The following HLA-DPB1 variants were observed in gnomAD, a reference collection of about 807,000 sequenced individuals.
HLA-DPB1 encodes the protein HLA class II histocompatibility antigen, DP beta 1 chain.
Under a neutral mutation model 29.4 loss-of-function variants are expected in HLA-DPB1, and 30 were observed. The ratio of observed to expected loss-of-function variants is 1.02; its 90% CI spans 0.76 to 1.38. The LOEUF (loss-of-function observed/expected upper bound fraction) is 1.38, where lower values mean the gene tolerates loss of function less well. Ranked by LOEUF, HLA-DPB1 falls within the 40% of genes most tolerant of loss-of-function variation. HLA-DPB1 has a pLI of 0.00. For missense variants in HLA-DPB1, 261 were observed against 327.5 expected (o/e 0.80, Z 1.57); for synonymous variants, 114 against 134.0 (o/e 0.85, Z 1.03).
intron 2 of HLA-DPB1, 136 bp from the exon 3 acceptor site, chr6:33,084,814 T>TGAAA: frequency 8.3e-6 from 3 of 361,168 alleles, no homozygotes; most frequent in Non-Finnish European, 8.1e-6. Flanking sequence ...AAAGAAAGAA[T>TGAAA]GAAAGAAAGA....
At chr6:33,084,445 C>G (rs1029070129) in intron 2 of HLA-DPB1, among the ~76,000 whole-genome samples, 1 of 152,108 alleles carries the variant, frequency 6.6e-6, no homozygotes, top group African/African-American at 2.4e-5. Flanking sequence ...CACATTATTC[C>G]TATTTTCAAC....
At position 33,085,816 on chromosome 6, in the gene HLA-DPB1, G is replaced by C. The variant is rs137879953; in HGVS notation, c.684G>C (p.Thr228=). Residue 228 remains threonine (T), a synonymous_variant, in exon 4 of 6, where the codon ACG becomes ACC. Coordinates refer to ENST00000418931, the MANE Select transcript of HLA-DPB1 (RefSeq NM_002121.6). ...QSDSARSKTL[T]GAGGFVLGLI... ...ATTCTGCCCGGAGTAAGACATTGAC[G>C]GGAGCTGGGGGCTTCGTGCTGGGGC... is the stretch of plus-strand genomic sequence containing the variant. The C allele has an allele frequency of 1.9e-6, 3 of 1,614,082 alleles. No individual in the cohort carries two copies. The highest frequency in any genetic ancestry group is 2.7e-5 in the African/African-American group (2 of 75,038).
At position 33,084,891 on chromosome 6, in the gene HLA-DPB1, A is replaced by AGGAAGGAAGGAAGGAG. The variant is rs1337860616; in HGVS notation, c.365-51_365-50insGGAAGGAGGGAAGGAA. 2.4e-5 allele frequency: 15 copies of AGGAAGGAAGGAAGGAG among 626,022 alleles called. 2 individuals carry two copies. The African/African-American group carries it at 8.5e-4, about 36-fold the overall frequency. The allele number at this position is 626,022 out of a possible 1,614,324, so 38.8% of individuals were successfully genotyped here. A position where few individuals can be genotyped will look rare whatever the true frequency, so the allele number is the denominator to read the frequency against. Reference sequence around the variant, plus strand: ...AAGGAAGGAAGGAAGGAAGGAAGGAAGGAAGGAAAGAAGGACAATCTCAAA... The same window carrying AGGAAGGAAGGAAGGAG: ...AAGGAAGGAAGGAAGGAAGGAAGGAAGGAAGGAAGGAAGGAGGGAAGGAAAGAAGGACAATCTCAAA... On this transcript the variant is annotated intron_variant, in intron 2 of 5. Coordinates refer to ENST00000418931, the MANE Select transcript of HLA-DPB1 (RefSeq NM_002121.6).
Position 33,086,716 on chromosome 6 carries a change from T to A in HLA-DPB1, c.*182T>A. ...TGATTCAAAGCACTGTTTCTCTCACTGGGCCTCCAACCATGTTCCCTTCTT... is the reference window on the plus strand; with the variant it reads ...TGATTCAAAGCACTGTTTCTCTCACAGGGCCTCCAACCATGTTCCCTTCTT... On this transcript the variant is annotated 3_prime_UTR_variant, in exon 6 of 6. Transcript: ENST00000418931. 1 of 424,762 alleles carries A rather than the reference T, an allele frequency of 2.4e-6. No homozygotes were observed. The highest frequency in any genetic ancestry group is 4.8e-6 in the Non-Finnish European group (1 of 206,804). The allele number at this position is 424,762 out of a possible 1,614,324, so 26.3% of individuals were successfully genotyped here. A position where few individuals can be genotyped will look rare whatever the true frequency, so the allele number is the denominator to read the frequency against.
chr6:33,088,691 T>G lies in HLA-DPB1; in HGVS notation c.*2157T>G, dbSNP rs933145940. Among the ~76,000 whole-genome samples, 15 of 152,168 alleles carry G rather than the reference T, an allele frequency of 9.9e-5. No individual in the cohort carries two copies. Among genetic ancestry groups the G allele is most frequent in the African/African-American group, 3.6e-4 (15 of 41,426 alleles). ...GTTTTCTAAGAGTCAGGCCCTTTGC[T>G]GAGTGCTATGTGCAGCAGGATCAAA... On this transcript the variant is annotated 3_prime_UTR_variant, in exon 6 of 6. Coordinates refer to ENST00000418931, the MANE Select transcript of HLA-DPB1 (RefSeq NM_002121.6).
At chr6:33,081,080 T>C in intron 2 of HLA-DPB1, 145 bp downstream of exon 2, 1 of 979,214 alleles carries the variant, frequency 1.0e-6, no homozygotes. Context: ...GGAGCCCATC[T>C]GGAGCTTGTC....
chr6:33,085,706 A>G, intron 3 of HLA-DPB1, 73 bp from the exon 4 acceptor site: 1 of 1,034,190 alleles, frequency 9.7e-7, no homozygotes, highest in Non-Finnish European at 1.5e-6. Context: ...ATCAGGCTCC[A>G]GAATCTCAGA....
intron 2 of HLA-DPB1, among the ~76,000 whole-genome samples, chr6:33,083,347 C>T (rs1762958026): frequency 6.6e-6 from 1 of 152,238 alleles, no homozygotes; most frequent in African/African-American, 2.4e-5. Context: ...TAATTTGAGA[C>T]ATTCCTCTTG....
chr6:33,085,942 C>G (rs1312482264), intron 4 of HLA-DPB1, 53 bp downstream of exon 4: 1 of 1,202,106 alleles, frequency 8.3e-7, no homozygotes, highest in African/African-American at 1.5e-5. Context: ...CATATTCACA[C>G]TTATTCCACG....
chr6:33,086,489 T>TA, intron 5 of HLA-DPB1, 50 bp from the exon 6 acceptor site: 1 of 691,908 alleles, frequency 1.4e-6, no homozygotes, highest in Non-Finnish European at 2.7e-6. Context: ...CTCCTGGACT[T>TA]ACAGGAAGGA....
In HLA-DPB1 at chr6:33,080,095, T is replaced by A. The variant is rs1178994847; in HGVS notation, c.101-577T>A. Among the ~76,000 whole-genome samples the A allele has an allele frequency of 2.6e-5, 4 of 152,310 alleles. No homozygotes were observed. In the East Asian group the frequency reaches 7.7e-4, roughly 29 times the overall value. ...CTTATACCAAAGTTGAAGAAAGTTT[T>A]AAGAAATATATTTCTACATCTCCTA... On this transcript the variant is annotated intron_variant, in intron 1 of 5. Transcript: ENST00000418931. This position sits in a 1 kb window ranked among gnomAD's most constrained non-coding sequence, Gnocchi z 4.3.
Position 33,085,791 on chromosome 6 carries a change from A to T in HLA-DPB1, c.659A>T (p.Asp220Val). The T allele has an allele frequency of 6.2e-7, 1 of 1,613,768 alleles. No homozygotes were observed. Among genetic ancestry groups the T allele is most frequent in the Non-Finnish European group, 8.5e-7 (1 of 1,179,750 alleles). Residue 220 changes from aspartate (D) to valine (V), a missense_variant, in exon 4 of 6, where the codon GAT becomes GTT. Asp to Val is a radical substitution (Grantham distance 152). Coordinates refer to ENST00000418931, the MANE Select transcript of HLA-DPB1 (RefSeq NM_002121.6). ...PVTVEWKAQS[D>V]SARSKTLTGA... is the part of the protein sequence containing the mutation. ...CTGTCCTTCCCAGAGGCACAGTCTG[A>T]TTCTGCCCGGAGTAAGACATTGACG...
chr6:33,082,843 T>C (rs1473391911), intron 2 of HLA-DPB1, among the ~76,000 whole-genome samples: 2 of 152,332 alleles, frequency 1.3e-5, no homozygotes, highest in African/African-American at 4.8e-5. Flanking sequence ...GAAATGTATT[T>C]GAACTGGGTC....
intron 2 of HLA-DPB1, among the ~76,000 whole-genome samples, chr6:33,084,263 G>A (rs1026575165): frequency 1.3e-5 from 2 of 152,036 alleles, no homozygotes; most frequent in Non-Finnish European, 2.9e-5. Context: ...AATATTCTTT[G>A]CCCAAATTAC....
intron 4 of HLA-DPB1, 144 bp from the exon 5 acceptor site, chr6:33,086,075 G>A: frequency 1.2e-6 from 1 of 838,978 alleles, no homozygotes; most frequent in Non-Finnish European, 2.0e-6. Context: ...AATGCAGCCA[G>A]ATGCATGAGG....
In HLA-DPB1 at chr6:33,076,149, C is replaced by T. The variant is rs143352256; in HGVS notation, c.100+8C>T. 1.3e-3 allele frequency: 2,024 copies of T among 1,579,764 alleles called. 37 individuals carry two copies. The East Asian group carries it at 0.013, about 10-fold the overall frequency. On this transcript the variant is annotated splice_region_variant and intron_variant, in intron 1 of 5. Coordinates refer to ENST00000418931, the MANE Select transcript of HLA-DPB1 (RefSeq NM_002121.6). ...AGGGCAGGGCCACTCCAGGTAAGAG[C>T]CGAACTGCCATTCTTGGAGGGTCTG...
At chr6:33,082,959 C>A (rs1339003306) in intron 2 of HLA-DPB1, among the ~76,000 whole-genome samples, 3 of 152,196 alleles carry the variant, frequency 2.0e-5, no homozygotes, top group African/African-American at 7.2e-5. Flanking sequence ...GAGCAAGATG[C>A]CTCTCGTGGA....
rs114068468 is a variant in HLA-DPB1, at chr6:33,086,686, C to T, written c.*152C>T. 1.0e-2 allele frequency: 4,511 copies of T among 451,664 alleles called. 70 individuals carry two copies. The highest frequency in any genetic ancestry group is 0.049 in the Middle Eastern group (149 of 3,068). 28.0% of individuals were successfully genotyped at this position (451,664 alleles called of 1,614,324 possible). A position where few individuals can be genotyped will look rare whatever the true frequency, so the allele number is the denominator to read the frequency against. On this transcript the variant is annotated 3_prime_UTR_variant, in exon 6 of 6. Transcript: ENST00000418931. ...TCTGAAGTCAGTTTCTATCATTCTG[C>T]TCTTTGATTCAAAGCACTGTTTCTC... is the stretch of plus-strand genomic sequence containing the variant.
Position 33,086,635 on chromosome 6 carries a change from ATTG to A in HLA-DPB1, c.*102_*104del. On this transcript the variant is annotated 3_prime_UTR_variant, in exon 6 of 6. Transcript: ENST00000418931. ...TCCAGGACAGACCTTCAACTTCCAA[ATTG>A]GATACTGCTGCCAAGAAGTTGCTCT... 2.0e-6 allele frequency: 1 copy of A among 505,070 alleles called. No individual in the cohort carries two copies. Among genetic ancestry groups the A allele is most frequent in the African/African-American group, 2.0e-5 (1 of 49,054 alleles). The allele number at this position is 505,070 out of a possible 1,614,324, so 31.3% of individuals were successfully genotyped here. A position where few individuals can be genotyped will look rare whatever the true frequency, so the allele number is the denominator to read the frequency against.
Sources: gnomAD v4.1 joint callset for allele counts (sites outside exome capture counted in the v4.1 genomes callset) on GRCh38, gnomAD v4.1.1 for gene constraint, Gnocchi (gnomAD v3.1) non-coding constraint, MANE v1.5 for transcripts, NCBI Gene and HGNC (gene_info 2026-07-23, HGNC 2026-07-21) for gene names.